The following CDC42SE2 variants were observed in gnomAD, a reference collection of about 807,000 sequenced individuals.
CDC42SE2 encodes CDC42 small effector protein 2.
A neutral mutation model predicts 11.5 loss-of-function variants in CDC42SE2; 3 were observed. The observed-to-expected ratio is 0.26, with a 90% CI of 0.12 to 0.67. The LOEUF (loss-of-function observed/expected upper bound fraction) is 0.67, where lower values mean the gene tolerates loss of function less well. Ranked by LOEUF, CDC42SE2 falls within the 30% of genes least tolerant of loss-of-function variation. The probability of loss-of-function intolerance (pLI) is 0.80; values close to 1 mark genes in which losing one functional copy is unlikely to be tolerated. For missense variants in CDC42SE2, 82 were observed against 106.8 expected (o/e 0.77, Z 1.02); for synonymous variants, 33 against 34.8 (o/e 0.95, Z 0.18).
chr5:131,337,787 C>T (rs1758610536), intron 2 of CDC42SE2, among the ~76,000 whole-genome samples: 1 of 152,238 alleles, frequency 6.6e-6, no homozygotes, highest in South Asian at 2.1e-4. Context: ...GATATAATCT[C>T]CTGGTGTGCC....
chr5:131,383,095 G>T (rs1252878887), intron 3 of CDC42SE2, among the ~76,000 whole-genome samples: 1 of 152,178 alleles, frequency 6.6e-6, no homozygotes, highest in East Asian at 1.9e-4. Flanking sequence ...GACAAACTGA[G>T]TCTGTGAAAA....
chr5:131,294,023 A>G (rs1757518346), intron 1 of CDC42SE2, among the ~76,000 whole-genome samples: 1 of 152,104 alleles, frequency 6.6e-6, no homozygotes, highest in Admixed American at 6.5e-5. Flanking sequence ...ACACTGAGCC[A>G]CTCTTCTGGT....
Position 131,359,539 on chromosome 5 carries a change from C to T in CDC42SE2, c.46C>T (p.Pro16Ser). 1.9e-6 allele frequency: 3 copies of T among 1,611,878 alleles called. No homozygotes were observed. The highest frequency in any genetic ancestry group is 1.7e-5 in the Admixed American group (1 of 59,998). Residue 16 changes from proline to serine, a missense_variant, in exon 3 of 5, where the codon CCT becomes TCT. Pro to Ser is a moderately conservative substitution (Grantham distance 74). Transcript: ENST00000505065. ...LCFNCCIAEQ[P>S]QPKRRRRIDR... ...TTTCAACTGCTGTATTGCAGAACAG[C>T]CTCAGCCTGTAAGTATGAAGTATGT... is the stretch of plus-strand genomic sequence containing the variant.
At chr5:131,229,104 G>C in the CDC42SE2 span, among the ~76,000 whole-genome samples, 1 of 152,142 alleles carries the variant, frequency 6.6e-6, no homozygotes, top group Non-Finnish European at 1.5e-5. Flanking sequence ...TTCTCATGGA[G>C]AGAACCAGGC....
At chr5:131,267,716 CTAAT>C (rs1192689217) in intron 1 of CDC42SE2, among the ~76,000 whole-genome samples, 8 of 152,050 alleles carry the variant, frequency 5.3e-5, no homozygotes, top group African/African-American at 2.4e-5. Flanking sequence ...TACTTCATAA[CTAAT>C]TTCTCACATT....
At chr5:131,294,251 A>AG (rs1423488715) in intron 1 of CDC42SE2, among the ~76,000 whole-genome samples, 1 of 152,230 alleles carries the variant, frequency 6.6e-6, no homozygotes, top group Non-Finnish European at 1.5e-5. Context: ...TCTGTGATCC[A>AG]AATCTGGATC....
chr5:131,266,799 T>C (rs1380255834), intron 1 of CDC42SE2, among the ~76,000 whole-genome samples: 1 of 152,110 alleles, frequency 6.6e-6, no homozygotes, highest in Non-Finnish European at 1.5e-5. Context: ...TAGAGAATTG[T>C]GATACTTTTT....
the CDC42SE2 span, among the ~76,000 whole-genome samples, chr5:131,225,958 T>A: frequency 6.6e-6 from 1 of 152,212 alleles, no homozygotes; most frequent in Non-Finnish European, 1.5e-5. Flanking sequence ...GAATTTATTG[T>A]TATGGGTACA....
intron 1 of CDC42SE2, among the ~76,000 whole-genome samples, chr5:131,270,170 C>G (rs960057614): frequency 2.6e-5 from 4 of 151,696 alleles, no homozygotes; most frequent in Admixed American, 6.6e-5. Context: ...GTCAGGAGAT[C>G]AAGACCATCC....
At chr5:131,213,091 G>T in the CDC42SE2 span, among the ~76,000 whole-genome samples, 1 of 152,200 alleles carries the variant, frequency 6.6e-6, no homozygotes. Context: ...TACACGGGAG[G>T]CTGAGGCAGG....
At chr5:131,262,499 G>C (rs1033715621), upstream of CDC42SE2, among the ~76,000 whole-genome samples, 1 of 151,824 alleles carries the variant, frequency 6.6e-6, no homozygotes, top group Admixed American at 6.6e-5. Flanking sequence ...AGGGACTTGG[G>C]ATACATCAGT....
At position 131,391,498 on chromosome 5, in the gene CDC42SE2, C is replaced by G. The variant is rs1396400389; in HGVS notation, c.*407C>G. 1 of 152,522 alleles carries G rather than the reference C, an allele frequency of 6.6e-6. No homozygotes were observed. Among genetic ancestry groups the G allele is most frequent in the East Asian group, 1.9e-4 (1 of 5,224 alleles). The allele number at this position is 152,522 out of a possible 1,614,324, so 9.4% of individuals were successfully genotyped here. A position where few individuals can be genotyped will look rare whatever the true frequency, so the allele number is the denominator to read the frequency against. ...ACTAGCCTGGCCAACATGGTGAAAC[C>G]CCATCTCTACTAAAAATACAAAAAT... On this transcript the variant is annotated 3_prime_UTR_variant, in exon 5 of 5. Coordinates refer to ENST00000505065, the MANE Select transcript of CDC42SE2 (RefSeq NM_001375635.1).
At chr5:131,349,915 T>C (rs1224136744) in intron 2 of CDC42SE2, among the ~76,000 whole-genome samples, 1 of 152,180 alleles carries the variant, frequency 6.6e-6, no homozygotes, top group African/African-American at 2.4e-5. Flanking sequence ...TTTTGCTTTT[T>C]TCTAAATGTT....
chr5:131,281,822 G>A (rs572737466), intron 1 of CDC42SE2, among the ~76,000 whole-genome samples: 10 of 152,200 alleles, frequency 6.6e-5, no homozygotes, highest in Non-Finnish European at 1.5e-4. Flanking sequence ...TGCGTGGCAA[G>A]TTCTTACCGT....
chr5:131,258,035 C>G (rs1756692308), intron 2 of CDC42SE2, among the ~76,000 whole-genome samples: 1 of 152,160 alleles, frequency 6.6e-6, no homozygotes, highest in Non-Finnish European at 1.5e-5. Flanking sequence ...GCAGAGTCCA[C>G]TCCCTCTTGT....
chr5:131,342,278 CAAAA>C (rs113170833), intron 2 of CDC42SE2, among the ~76,000 whole-genome samples: 7 of 122,884 alleles, frequency 5.7e-5, no homozygotes, highest in Admixed American at 1.6e-4. Flanking sequence ...GACTCCTTCT[CAAAA>C]AAAAAAAAAA....
At chr5:131,386,370 CCT>C (rs1330369508) in intron 4 of CDC42SE2, among the ~76,000 whole-genome samples, 1 of 152,108 alleles carries the variant, frequency 6.6e-6, no homozygotes, top group Non-Finnish European at 1.5e-5. Context: ...TTTTGGGACC[CCT>C]GTTATAAACT....
chr5:131,235,024 G>C, the CDC42SE2 span, among the ~76,000 whole-genome samples: 1 of 151,548 alleles, frequency 6.6e-6, no homozygotes, highest in Non-Finnish European at 1.5e-5. Context: ...GAGCAGCTGG[G>C]ATTACAGGCA....
chr5:131,329,879 C>CAAAAAAAAAAAAAAAAAAAAAAAAAAAAA lies in CDC42SE2; in HGVS notation c.-286+13750_-286+13778dup, dbSNP rs747152132. Among the ~76,000 whole-genome samples the CAAAAAAAAAAAAAAAAAAAAAAAAAAAAA allele has an allele frequency of 1.6e-4, 9 of 56,624 alleles. 2 individuals are homozygous for CAAAAAAAAAAAAAAAAAAAAAAAAAAAAA. The highest frequency in any genetic ancestry group is 4.5e-4 in the East Asian group (1 of 2,236). 37.1% of individuals were successfully genotyped at this position (56,624 alleles called of 152,430 possible). The stretch of plus-strand genomic sequence containing the variant: ...GGGCAACAAGAGTGAAACTCCATCT[C>CAAAAAAAAAAAAAAAAAAAAAAAAAAAAA]AAAAAAAAAAAAAAAAAAAAAAAAA... On this transcript the variant is annotated intron_variant, in intron 2 of 4. Transcript: ENST00000505065.
Sources: gnomAD v4.1 joint callset for allele counts (sites outside exome capture counted in the v4.1 genomes callset) on GRCh38, gnomAD v4.1.1 for gene constraint, MANE v1.5 for transcripts, NCBI Gene and HGNC (gene_info 2026-07-23, HGNC 2026-07-21) for gene names.